The following RYR2 variants were observed in gnomAD, a reference collection of about 807,000 sequenced individuals.
The protein encoded by RYR2 is cardiac muscle ryanodine receptor-calcium release channel.
RYR2 carries 227 observed loss-of-function variants against 601.1 expected under a neutral mutation model. The ratio of observed to expected loss-of-function variants is 0.38; its 90% CI spans 0.34 to 0.42. The LOEUF is 0.42. Among genes scored for constraint, RYR2 ranks in the 10% least tolerant of loss-of-function variants. The pLI is 1.00. For missense variants in RYR2, 4,646 were observed against 6,156.5 expected (o/e 0.75, Z 8.21); for synonymous variants, 2,223 against 2,175.1 (o/e 1.02, Z -0.61).
chr1:237,153,892 G>T (rs1001322292), intron 1 of RYR2, among the ~76,000 whole-genome samples: 7 of 152,054 alleles, frequency 4.6e-5, no homozygotes, highest in African/African-American at 1.7e-4. Flanking sequence ...ATTCTGAAAA[G>T]GTAGATTTTA....
chr1:237,361,871 A>G (rs955289440), intron 4 of RYR2, among the ~76,000 whole-genome samples: 1 of 152,164 alleles, frequency 6.6e-6, no homozygotes, highest in Non-Finnish European at 1.5e-5. Context: ...TTTCAGAGTA[A>G]AGTATTGCTA....
intron 25 of RYR2, among the ~76,000 whole-genome samples, chr1:237,537,557 C>T (rs895067533): frequency 6.6e-6 from 1 of 152,116 alleles, no homozygotes; most frequent in African/African-American, 2.4e-5. Context: ...TCAGGTGATC[C>T]GCCTGCCTTG....
At chr1:237,399,140 A>G (rs1174652001) in intron 10 of RYR2, among the ~76,000 whole-genome samples, 1 of 152,214 alleles carries the variant, frequency 6.6e-6, no homozygotes, top group African/African-American at 2.4e-5. Context: ...GGTTGCAGTG[A>G]GCTGAGATCA....
At chr1:237,828,480 T>G in intron 102 of RYR2, 35 bp downstream of exon 102, 1 of 1,424,998 alleles carries the variant, frequency 7.0e-7, no homozygotes, top group Non-Finnish European at 9.6e-7. Context: ...GCTTCTTTGT[T>G]GTCCTGGGCC....
At chr1:237,503,180 C>T in intron 21 of RYR2, 109 bp from the exon 22 acceptor site, 3 of 928,130 alleles carry the variant, frequency 3.2e-6, no homozygotes, top group Non-Finnish European at 4.9e-6. Flanking sequence ...GAAAATGTGG[C>T]TTCTGATAAA....
intron 12 of RYR2, among the ~76,000 whole-genome samples, chr1:237,428,018 C>G (rs772189401): frequency 8.5e-5 from 13 of 152,060 alleles, no homozygotes; most frequent in Non-Finnish European, 2.9e-5. Flanking sequence ...CATCACTGAT[C>G]ATTAGATAAA....
At chr1:237,730,787 A>C (rs1690612353) in intron 77 of RYR2, among the ~76,000 whole-genome samples, 1 of 152,152 alleles carries the variant, frequency 6.6e-6, no homozygotes, top group African/African-American at 2.4e-5. Flanking sequence ...GACTGAACAC[A>C]GGAGACTGAA....
chr1:237,242,943 G>A (rs1361407822), intron 1 of RYR2, among the ~76,000 whole-genome samples: 2 of 152,116 alleles, frequency 1.3e-5, no homozygotes, highest in Non-Finnish European at 2.9e-5. Context: ...TCTGGGGTAG[G>A]GCTCAAGTAT....
intron 4 of RYR2, among the ~76,000 whole-genome samples, 190 bp from the exon 5 acceptor site, chr1:237,364,168 C>T (rs149434515): frequency 4.5e-4 from 69 of 152,058 alleles, no homozygotes; most frequent in Admixed American, 3.7e-3. Flanking sequence ...TTGCTTGCTA[C>T]GGCTTTTCTC....
At chr1:237,152,230 A>T (rs1156941503) in intron 1 of RYR2, among the ~76,000 whole-genome samples, 1 of 152,180 alleles carries the variant, frequency 6.6e-6, no homozygotes, top group Non-Finnish European at 1.5e-5. Context: ...TATATGTGCC[A>T]CATTTTCTTT....
chr1:237,443,946 C>G (rs747659147), intron 13 of RYR2, among the ~76,000 whole-genome samples: 1 of 152,054 alleles, frequency 6.6e-6, no homozygotes, highest in African/African-American at 2.4e-5. Context: ...CTTTTCAATC[C>G]TTTTCTAAAG....
chr1:237,275,238 C>T (rs1220339375), intron 2 of RYR2, among the ~76,000 whole-genome samples: 1 of 151,446 alleles, frequency 6.6e-6, no homozygotes, highest in Non-Finnish European at 1.5e-5. Flanking sequence ...AGAATTGAGG[C>T]CAAAGTGTAT....
At chr1:237,324,628 T>G (rs1324429388) in intron 2 of RYR2, among the ~76,000 whole-genome samples, 1 of 152,212 alleles carries the variant, frequency 6.6e-6, no homozygotes, top group Non-Finnish European at 1.5e-5. Flanking sequence ...CATGCATTGA[T>G]TTTCTTCTTT....
At chr1:237,611,200 T>C (rs1677829649) in intron 36 of RYR2, among the ~76,000 whole-genome samples, 1 of 152,204 alleles carries the variant, frequency 6.6e-6, no homozygotes, top group African/African-American at 2.4e-5. Flanking sequence ...AAAAAATTAT[T>C]CTGTAGTTGA....
rs112378008 is a variant in RYR2 at position 237,730,167 on chromosome 1, A to G, written c.10839-93A>G. On this transcript the variant is annotated intron_variant, in intron 76 of 104. Coordinates refer to ENST00000366574, the MANE Select transcript of RYR2 (RefSeq NM_001035.3). ...GAATTTATTTCTATTTTACACTTTC[A>G]GTGCACAGATAATCTAGTAATAAAG... is the stretch of plus-strand genomic sequence containing the variant. The G allele has an allele frequency of 2.7e-3, 1,941 of 721,526 alleles. 31 individuals are homozygous for G. In the African/African-American group the frequency reaches 0.03, roughly 11 times the overall value. The allele number at this position is 721,526 out of a possible 1,614,324, so 44.7% of individuals were successfully genotyped here.
In RYR2 at chr1:237,832,772, G is replaced by A. The variant is rs754630283; in HGVS notation, c.*125G>A. 2.1e-4 allele frequency: 115 copies of A among 558,340 alleles called. No individual in the cohort carries two copies. Among genetic ancestry groups the A allele is most frequent in the Non-Finnish European group, 3.2e-4 (100 of 313,798 alleles). 34.6% of individuals were successfully genotyped at this position (558,340 alleles called of 1,614,324 possible). On this transcript the variant is annotated 3_prime_UTR_variant, in exon 105 of 105. Coordinates refer to ENST00000366574, the MANE Select transcript of RYR2 (RefSeq NM_001035.3). ...TGCCAGCGTTGTGTGTTTTCTGGGA[G>A]CATCGAAGCTCTGTTTCGGAAGAGC...
intron 92 of RYR2, among the ~76,000 whole-genome samples, chr1:237,789,258 T>C (rs1658049889): frequency 6.6e-6 from 1 of 152,170 alleles, no homozygotes; most frequent in Non-Finnish European, 1.5e-5. Context: ...AGAACCTCAA[T>C]GAACTATAGA....
intron 1 of RYR2, among the ~76,000 whole-genome samples, chr1:237,144,452 A>G (rs1673757279): frequency 6.6e-6 from 1 of 152,182 alleles, no homozygotes; most frequent in South Asian, 2.1e-4. Context: ...AGACTGCGAG[A>G]TAGGGACACT....
chr1:237,368,711 TAAGC>T (rs1700395140), intron 5 of RYR2, among the ~76,000 whole-genome samples: 1 of 152,224 alleles, frequency 6.6e-6, no homozygotes, highest in Admixed American at 6.5e-5. Context: ...CTCTTCCCTA[TAAGC>T]AATTGGGAGG....
Sources: allele counts gnomAD v4.1 joint callset (sites outside exome capture counted in the v4.1 genomes callset), GRCh38; gene constraint gnomAD v4.1.1; transcripts MANE v1.5; gene names NCBI Gene and HGNC (gene_info 2026-07-23, HGNC 2026-07-21).